Variants in CDH23 observed in about 807,000 individuals in gnomAD.
CDH23 encodes cadherin related 23, also known as cadherin-23.
A neutral mutation model predicts 317.1 loss-of-function variants in CDH23; 189 were observed. The observed-to-expected ratio is 0.60, with a 90% CI of 0.53 to 0.67. CDH23 has a LOEUF of 0.67. CDH23 is among the 30% of genes least tolerant of loss of function. The pLI is 0.00. For missense variants in CDH23, 4,401 were observed against 4,592.4 expected, an observed-to-expected ratio of 0.96 and a Z score of 1.20; for synonymous variants, 1,839 against 1,876.8, an observed-to-expected ratio of 0.98 and a Z score of 0.52.
chr10:71,694,309 G>A, intron 21 of CDH23, 50 bp downstream of exon 21: 3 of 1,395,990 alleles, frequency 2.1e-6, no homozygotes, highest in Middle Eastern at 1.8e-4. Flanking sequence ...CGGCCAGGCT[G>A]CTGCTCCCTG....
chr10:71,681,983 C>G (rs1401234761), intron 17 of CDH23, among the ~76,000 whole-genome samples: 4 of 152,116 alleles, frequency 2.6e-5, no homozygotes, highest in Non-Finnish European at 4.4e-5. Flanking sequence ...AAGGCATGAC[C>G]CTGTCCTTCG....
chr10:71,732,962 T>C (rs567420146), intron 32 of CDH23, among the ~76,000 whole-genome samples: 6 of 152,222 alleles, frequency 3.9e-5, no homozygotes, highest in Non-Finnish European at 7.4e-5. Context: ...AATTCTCCAG[T>C]AGACACCATA....
At chr10:71,673,320 C>T (rs1022919111) in intron 14 of CDH23, among the ~76,000 whole-genome samples, 15 of 152,234 alleles carry the variant, frequency 9.9e-5, no homozygotes, top group African/African-American at 3.4e-4. Flanking sequence ...GAGGCCTCCA[C>T]ACCACAGTGA....
intron 3 of CDH23, among the ~76,000 whole-genome samples, chr10:71,466,040 AC>A (rs1851237454): frequency 6.6e-6 from 1 of 152,170 alleles, no homozygotes; most frequent in Non-Finnish European, 1.5e-5. Flanking sequence ...GACGGCTTCA[AC>A]GCAGGCAGGA....
intron 19 of CDH23, among the ~76,000 whole-genome samples, chr10:71,688,390 T>C (rs1337043469): frequency 6.6e-6 from 1 of 151,550 alleles, no homozygotes; most frequent in Non-Finnish European, 1.5e-5. Context: ...GGTGGAGTCA[T>C]GGATAGTGGA....
chr10:71,399,717 A>C (rs1207340540), intron 1 of CDH23, among the ~76,000 whole-genome samples: 1 of 152,034 alleles, frequency 6.6e-6, no homozygotes, highest in Non-Finnish European at 1.5e-5. Context: ...GTGTGCTAGG[A>C]CCGTGCTTGT....
At chr10:71,814,269 G>T (rs564721681) in intron 69 of CDH23, among the ~76,000 whole-genome samples, 2 of 152,216 alleles carry the variant, frequency 1.3e-5, no homozygotes, top group South Asian at 4.1e-4. Context: ...AAGATTCTCA[G>T]CCAGATGTGG....
intron 69 of CDH23, among the ~76,000 whole-genome samples, chr10:71,814,275 T>C (rs1482554895): frequency 6.6e-6 from 1 of 152,196 alleles, no homozygotes; most frequent in Non-Finnish European, 1.5e-5. Context: ...CTCAGCCAGA[T>C]GTGGTGGCAC....
chr10:71,485,549 C>A (rs1355052107), intron 3 of CDH23, among the ~76,000 whole-genome samples: 3 of 152,240 alleles, frequency 2.0e-5, no homozygotes, highest in Admixed American at 1.3e-4. Context: ...CCCACCTGCT[C>A]CCAAGCCAAC....
At position 71,578,520 on chromosome 10, in the gene CDH23, C is replaced by T. The variant is rs531135875; in HGVS notation, c.832+528C>T. Reference sequence around the variant, plus strand: ...CGGGGGGGAACATCAGCCCCCTTGCCGCCCAGCTGCCTTGGTTGAGCAGAA... The same window carrying T: ...CGGGGGGGAACATCAGCCCCCTTGCTGCCCAGCTGCCTTGGTTGAGCAGAA... On this transcript the variant is annotated intron_variant, in intron 9 of 69. Coordinates refer to ENST00000224721, the MANE Select transcript of CDH23 (RefSeq NM_022124.6). 9.9e-5 allele frequency among the ~76,000 whole-genome samples: 15 copies of T among 152,236 alleles called. No individual in the cohort carries two copies. In the East Asian group the frequency reaches 2.7e-3, roughly 27 times the overall value.
chr10:71,439,946 G>A (rs752764056), intron 2 of CDH23, 48 bp downstream of exon 2: 1 of 1,457,856 alleles, frequency 6.9e-7, no homozygotes, highest in Non-Finnish European at 9.4e-7. Flanking sequence ...CCTCTGCACG[G>A]GAGGCCAGGC....
At position 71,453,805 on chromosome 10, in the gene CDH23, A is replaced by G. The variant is rs564619997; in HGVS notation, c.145+7410A>G. Among the ~76,000 whole-genome samples, 11 of 152,338 alleles carry G rather than the reference A, an allele frequency of 7.2e-5. No homozygotes were observed. The South Asian group carries it at 1.9e-3, about 26-fold the overall frequency. Reference sequence around the variant, plus strand: ...GCAAAGCCACAGGAATTGTGGGGCTAAAGGGACGGGGATGGGAGGAGTCCA... The same window carrying G: ...GCAAAGCCACAGGAATTGTGGGGCTGAAGGGACGGGGATGGGAGGAGTCCA... On this transcript the variant is annotated intron_variant, in intron 3 of 69. Coordinates refer to ENST00000224721, the MANE Select transcript of CDH23 (RefSeq NM_022124.6).
rs889241164 is a variant in CDH23 at position 71,790,920 on chromosome 10, G to A, written c.6050-212G>A. On this transcript the variant is annotated intron_variant, in intron 46 of 69. Coordinates refer to ENST00000224721, the MANE Select transcript of CDH23 (RefSeq NM_022124.6). ...AGACAGCAGAGGGCACCTGCAGAGGGGACAACCACAGGAAATGCATGGGGC... is the reference window on the plus strand; with the variant it reads ...AGACAGCAGAGGGCACCTGCAGAGGAGACAACCACAGGAAATGCATGGGGC... The A allele has an allele frequency of 2.0e-5, 12 of 595,432 alleles. No homozygotes were observed. The East Asian group carries it at 2.8e-4, about 14-fold the overall frequency. The allele number at this position is 595,432 out of a possible 1,614,324, so 36.9% of individuals were successfully genotyped here.
At chr10:71,589,898 C>T (rs1413317174) in intron 9 of CDH23, among the ~76,000 whole-genome samples, 3 of 152,240 alleles carry the variant, frequency 2.0e-5, no homozygotes, top group African/African-American at 7.2e-5. Flanking sequence ...TCTTTTAATC[C>T]TCTCAATAAA....
intron 14 of CDH23, among the ~76,000 whole-genome samples, chr10:71,652,727 C>T (rs1303748011): frequency 6.6e-6 from 1 of 152,194 alleles, no homozygotes; most frequent in African/African-American, 2.4e-5. Context: ...GTCAGCAAGT[C>T]ATGCCTGGCC....
chr10:71,553,297 G>A (rs1044366677), intron 6 of CDH23, among the ~76,000 whole-genome samples: 8 of 152,010 alleles, frequency 5.3e-5, no homozygotes, highest in Admixed American at 2.0e-4. Context: ...CCAGCTCCCC[G>A]CAATCTCCTC....
At chr10:71,561,148 CAGTT>C (rs1219364177) in intron 6 of CDH23, among the ~76,000 whole-genome samples, 1 of 151,506 alleles carries the variant, frequency 6.6e-6, no homozygotes, top group Non-Finnish European at 1.5e-5. Context: ...TTTCCTGTTT[CAGTT>C]AGTTCCTTTC....
intron 3 of CDH23, among the ~76,000 whole-genome samples, chr10:71,493,249 T>C (rs1852766693): frequency 6.6e-6 from 1 of 152,152 alleles, no homozygotes; most frequent in Admixed American, 6.5e-5. Flanking sequence ...CAGCTCAAAC[T>C]GCCCCTGACC....
intron 1 of CDH23, among the ~76,000 whole-genome samples, chr10:71,399,568 A>T (rs1847689515): frequency 6.6e-6 from 1 of 152,176 alleles, no homozygotes; most frequent in Admixed American, 6.5e-5. Flanking sequence ...GGTTTTTTAA[A>T]TAGATTAGAA....
Sources: gnomAD v4.1 joint callset for allele counts (sites outside exome capture counted in the v4.1 genomes callset) on GRCh38, gnomAD v4.1.1 for gene constraint, MANE v1.5 for transcripts, NCBI Gene and HGNC (gene_info 2026-07-23, HGNC 2026-07-21) for gene names.